RASGRP1: variants seen among roughly 807,000 people sequenced by gnomAD.
RASGRP1 encodes the protein RAS guanyl releasing protein 1.
RASGRP1 carries 37 observed loss-of-function variants against 95.1 expected under a neutral mutation model. The observed-to-expected ratio is 0.39, with a 90% CI of 0.30 to 0.51. The LOEUF is 0.51. RASGRP1 is among the 20% of genes least tolerant of loss of function. RASGRP1 has a pLI of 0.80. For missense variants in RASGRP1, 711 were observed against 965.4 expected, an observed-to-expected ratio of 0.74 and a Z score of 3.49; for synonymous variants, 325 against 353.4, an observed-to-expected ratio of 0.92 and a Z score of 0.90.
chr15:38,504,810 GT>G (rs147449277), intron 10 of RASGRP1: 54 of 152,262 alleles, frequency 3.5e-4, no homozygotes, highest in African/African-American at 1.3e-3. Context: ...TGAGTAATGT[GT>G]TGTGCTACAA....
intron 9 of RASGRP1, among the ~76,000 whole-genome samples, 172 bp from the exon 10 acceptor site, chr15:38,506,092 CATTA>C (rs1312173706): frequency 2.7e-5 from 4 of 150,376 alleles, no homozygotes. Flanking sequence ...ATAGGGCAAG[CATTA>C]ATTCTCATTG....
intron 2 of RASGRP1, among the ~76,000 whole-genome samples, chr15:38,529,380 C>T (rs543718991): frequency 1.2e-4 from 19 of 152,316 alleles, no homozygotes; most frequent in Non-Finnish European, 2.5e-4. Flanking sequence ...CCTCTCCACA[C>T]CTCTAATTGT....
At chr15:38,543,043 T>C (rs1212972801) in intron 2 of RASGRP1, among the ~76,000 whole-genome samples, 1 of 151,462 alleles carries the variant, frequency 6.6e-6, no homozygotes, top group Non-Finnish European at 1.5e-5. Flanking sequence ...TTTTATAAAG[T>C]CCAATTTGCT....
rs1891961745 is a variant in RASGRP1, at chr15:38,520,550, A to G, written c.327-1179T>C. 2.0e-5 allele frequency among the ~76,000 whole-genome samples: 3 copies of G among 152,344 alleles called. No homozygotes were observed. The South Asian group carries it at 6.2e-4, about 32-fold the overall frequency. ...GCCTTGAAACTTCAATTTGCAATAT[A>G]TAATTAAGTGCTTTACACTTGTGGT... is the stretch of plus-strand genomic sequence containing the variant. On this transcript the variant is annotated intron_variant, in intron 3 of 16. Coordinates refer to ENST00000310803, the MANE Select transcript of RASGRP1 (RefSeq NM_005739.4).
intron 14 of RASGRP1, among the ~76,000 whole-genome samples, chr15:38,499,781 A>G (rs1035848710): frequency 2.0e-5 from 3 of 152,154 alleles, no homozygotes; most frequent in African/African-American, 7.2e-5. Context: ...GAGGGACCCA[A>G]TGGGAGGTAA....
At chr15:38,539,071 A>G (rs976456685) in intron 2 of RASGRP1, among the ~76,000 whole-genome samples, 1 of 152,188 alleles carries the variant, frequency 6.6e-6, no homozygotes, top group Non-Finnish European at 1.5e-5. Context: ...ATAGGTGAGG[A>G]AACAGAGAGT....
At chr15:38,539,719 C>T (rs1488165301) in intron 2 of RASGRP1, among the ~76,000 whole-genome samples, 2 of 151,952 alleles carry the variant, frequency 1.3e-5, no homozygotes, top group African/African-American at 2.4e-5. Context: ...TATCCCTCCC[C>T]GCTCCTCCCA....
intron 6 of RASGRP1, among the ~76,000 whole-genome samples, chr15:38,515,683 C>A (rs774455879): frequency 6.6e-6 from 1 of 151,656 alleles, no homozygotes; most frequent in Non-Finnish European, 1.5e-5. Flanking sequence ...TGGGCTAGGG[C>A]AGTAGAATCT....
At position 38,501,173 on chromosome 15, in the gene RASGRP1, C is replaced by G; in HGVS notation, c.1653G>C (p.Lys551Asn). 1 of 1,610,692 alleles carries G rather than the reference C, an allele frequency of 6.2e-7. No individual in the cohort carries two copies. Residue 551 changes from lysine (K) to asparagine (N), a missense_variant, in exon 13 of 17, where the codon AAG (lysine) becomes AAC (asparagine). By Grantham distance (94) the Lys-to-Asn change is moderately conservative. This residue lies in a region of RASGRP1 where 491 missense variants were observed against 676.6 expected (regional missense o/e 0.73). Transcript: ENST00000310803. ...PHNFQETTYL[K>N]PTFCDNCAGF... ...CAGCACAGTTGTCACAAAAAGTGGG[C>G]TTCAGGTAGGTGGTCTCTTGGAAGT... is the stretch of plus-strand genomic sequence containing the variant.
chr15:38,505,164 G>A (rs1344037971), intron 10 of RASGRP1, among the ~76,000 whole-genome samples: 2 of 152,174 alleles, frequency 1.3e-5, no homozygotes, highest in Non-Finnish European at 2.9e-5. Flanking sequence ...CTTCCCTTGA[G>A]TATCACTTGT....
At chr15:38,542,877 A>G (rs1892947325) in intron 2 of RASGRP1, among the ~76,000 whole-genome samples, 1 of 143,108 alleles carries the variant, frequency 7.0e-6, no homozygotes, top group Non-Finnish European at 1.5e-5. Context: ...ATATGTGTAT[A>G]TATATACACA....
intron 3 of RASGRP1, among the ~76,000 whole-genome samples, chr15:38,525,664 C>T (rs1892189984): frequency 6.6e-6 from 1 of 152,172 alleles, no homozygotes; most frequent in Non-Finnish European, 1.5e-5. Flanking sequence ...CAGGGACCTG[C>T]GCCTTGGGTG....
At chr15:38,546,487 C>G (rs1893110718) in intron 2 of RASGRP1, among the ~76,000 whole-genome samples, 1 of 152,158 alleles carries the variant, frequency 6.6e-6, no homozygotes. Flanking sequence ...CCTCGGCCTC[C>G]CAAAGTGCTG....
rs559106046 is a variant in RASGRP1 at position 38,558,811 on chromosome 15, A to G, written c.220+1010T>C. Among the ~76,000 whole-genome samples the G allele has an allele frequency of 2.6e-5, 4 of 152,328 alleles. No individual in the cohort carries two copies. In the South Asian group the frequency reaches 8.3e-4, roughly 32 times the overall value. On this transcript the variant is annotated intron_variant, in intron 2 of 16. Coordinates refer to ENST00000310803, the MANE Select transcript of RASGRP1 (RefSeq NM_005739.4). Reference sequence around the variant, plus strand: ...TCAAGTATTTCCCAATTCTATACATAAGGTCTGAGCAAGCACTTAACACAC... The same window carrying G: ...TCAAGTATTTCCCAATTCTATACATGAGGTCTGAGCAAGCACTTAACACAC...
chr15:38,536,840 G>A (rs1037094416), intron 2 of RASGRP1, among the ~76,000 whole-genome samples: 1 of 152,202 alleles, frequency 6.6e-6, no homozygotes, highest in East Asian at 1.9e-4. Flanking sequence ...TCACCATGTA[G>A]GGTAAAAAGT....
At chr15:38,550,857 G>A (rs557907205) in intron 2 of RASGRP1, among the ~76,000 whole-genome samples, 2 of 151,890 alleles carry the variant, frequency 1.3e-5, no homozygotes, top group Non-Finnish European at 2.9e-5. Flanking sequence ...TTTTCTTTTT[G>A]CCAGTCTGTA....
chr15:38,526,955 G>T (rs928394051), intron 2 of RASGRP1, among the ~76,000 whole-genome samples: 3 of 152,164 alleles, frequency 2.0e-5, no homozygotes, highest in African/African-American at 7.2e-5. Context: ...CCTCTGGATG[G>T]AAATAAAAGA....
chr15:38,538,514 G>A (rs1892747283), intron 2 of RASGRP1, among the ~76,000 whole-genome samples: 2 of 152,166 alleles, frequency 1.3e-5, no homozygotes, highest in Admixed American at 1.3e-4. Context: ...TAACATACTT[G>A]GAGCACTTCC....
At chr15:38,557,601 ATGTGTGTGTG>A (rs5812045) in intron 2 of RASGRP1, among the ~76,000 whole-genome samples, 4 of 145,292 alleles carry the variant, frequency 2.8e-5, no homozygotes, top group South Asian at 2.2e-4. Flanking sequence ...TTGTATATAT[ATGTGTGTGTG>A]TGTGTGTGTG....
Sources: gnomAD v4.1 joint callset for allele counts (sites outside exome capture counted in the v4.1 genomes callset) on GRCh38, gnomAD v4.1.1 for gene constraint, gnomAD v4.1.1 regional missense constraint, MANE v1.5 for transcripts, NCBI Gene and HGNC (gene_info 2026-07-23, HGNC 2026-07-21) for gene names.